NDUFS1: variants seen among roughly 807,000 people sequenced by gnomAD.
NDUFS1 encodes NADH-ubiquinone oxidoreductase 75 kDa subunit, mitochondrial.
NDUFS1 carries 61 observed loss-of-function variants against 84.4 expected under a neutral mutation model. The ratio of observed to expected loss-of-function variants is 0.72; its 90% CI spans 0.59 to 0.89. The LOEUF is 0.89. Among genes scored for constraint, NDUFS1 ranks in the 40% least tolerant of loss-of-function variants. The probability of loss-of-function intolerance (pLI) is 0.00; values close to 1 mark genes in which losing one functional copy is unlikely to be tolerated. For synonymous variants in NDUFS1, 275 were observed against 290.0 expected, an observed-to-expected ratio of 0.95 and a Z score of 0.53; for missense variants, 891 against 890.0, an observed-to-expected ratio of 1.00 and a Z score of -0.01.
chr2:206,149,463 C>A (rs1244757609), intron 4 of NDUFS1, among the ~76,000 whole-genome samples: 1 of 152,168 alleles, frequency 6.6e-6, no homozygotes, highest in Non-Finnish European at 1.5e-5. Context: ...AACTTCTTCC[C>A]TGCAACCCTT....
chr2:206,149,289 A>T (rs1449270917), intron 4 of NDUFS1, among the ~76,000 whole-genome samples, 193 bp from the exon 5 acceptor site: 1 of 152,194 alleles, frequency 6.6e-6, no homozygotes, highest in Non-Finnish European at 1.5e-5. Flanking sequence ...AGTACTTTGC[A>T]TTTATCTCAG....
intron 14 of NDUFS1, among the ~76,000 whole-genome samples, chr2:206,131,096 T>G (rs1306426537): frequency 1.3e-5 from 2 of 152,188 alleles, no homozygotes; most frequent in African/African-American, 4.8e-5. Flanking sequence ...GTTGTTTTGG[T>G]TTAGCTTGGT....
chr2:206,156,438 G>A (rs1057489220), intron 1 of NDUFS1, among the ~76,000 whole-genome samples: 2 of 151,782 alleles, frequency 1.3e-5, no homozygotes, highest in African/African-American at 4.8e-5. Context: ...AGCTGGGTGT[G>A]GTGGCATGCG....
Position 206,117,331 on chromosome 2 carries a change from T to A in NDUFS1, c.*6854A>T, listed in dbSNP as rs1471986113. ...CATTACTATAATTGATGCCTACATA[T>A]CTCTTTTAGTATACTGTTAGCTTCT... is the stretch of plus-strand genomic sequence containing the variant. On this transcript the variant is annotated 3_prime_UTR_variant, in exon 19 of 19. Coordinates refer to ENST00000233190, the MANE Select transcript of NDUFS1 (RefSeq NM_005006.7). The A allele has an allele frequency of 6.6e-6, 1 of 152,262 alleles. No homozygotes were observed. The highest frequency in any genetic ancestry group is 1.5e-5 in the Non-Finnish European group (1 of 68,052). 9.4% of individuals were successfully genotyped at this position (152,262 alleles called of 1,614,324 possible).
At chr2:206,156,695 C>A (rs1372448971) in intron 1 of NDUFS1, among the ~76,000 whole-genome samples, 1 of 152,068 alleles carries the variant, frequency 6.6e-6, no homozygotes, top group Non-Finnish European at 1.5e-5. Context: ...GTTTTAAGCA[C>A]AAAATTCTGC....
intron 4 of NDUFS1, 21 bp downstream of exon 4, chr2:206,149,797 A>C: frequency 6.4e-7 from 1 of 1,560,656 alleles, no homozygotes; most frequent in Non-Finnish European, 8.8e-7. Context: ...AGCATGGTGT[A>C]GAATTTTAGG....
intron 11 of NDUFS1, 108 bp downstream of exon 11, chr2:206,142,578 G>T: frequency 7.2e-7 from 1 of 1,389,922 alleles, no homozygotes; most frequent in Non-Finnish European, 1.0e-6. Context: ...GTCTATATAT[G>T]AAAATAAACT....
In NDUFS1 at chr2:206,148,994, T is replaced by A. The variant is rs762347087; in HGVS notation, c.338+26A>T. On this transcript the variant is annotated intron_variant, in intron 5 of 18. Transcript: ENST00000233190. ...TGCAATTTTCTGCTTTATGAAAGGGTACTACATTGAATAACAATAAAGTAC... is the reference window on the plus strand; with the variant it reads ...TGCAATTTTCTGCTTTATGAAAGGGAACTACATTGAATAACAATAAAGTAC... The A allele has an allele frequency of 2.0e-6, 3 of 1,517,384 alleles. No individual in the cohort carries two copies. The East Asian group carries it at 6.8e-5, about 34-fold the overall frequency. The allele number at this position is 1,517,384 out of a possible 1,614,324, so 94.0% of individuals were successfully genotyped here. A position where few individuals can be genotyped will look rare whatever the true frequency, so the allele number is the denominator to read the frequency against.
At chr2:206,130,535 A>T (rs1223451010) in intron 14 of NDUFS1, among the ~76,000 whole-genome samples, 6 of 151,992 alleles carry the variant, frequency 3.9e-5, no homozygotes, top group African/African-American at 1.5e-4. Context: ...TTGTATTTTC[A>T]GTAGAGATGG....
Position 206,120,245 on chromosome 2 carries a change from CAAACAGATTA to C in NDUFS1, c.*3930_*3939del, listed in dbSNP as rs1691059504. 6.6e-6 allele frequency: 1 copy of C among 152,166 alleles called. No homozygotes were observed. Among genetic ancestry groups the C allele is most frequent in the African/African-American group, 2.4e-5 (1 of 41,428 alleles). The allele number at this position is 152,166 out of a possible 1,614,324, so 9.4% of individuals were successfully genotyped here. ...TCTCAGATATTCCTTTACAGTAATG[CAAACAGATTA>C]AAACAGATTAGTACTGACAGTGGGG... On this transcript the variant is annotated 3_prime_UTR_variant, in exon 19 of 19. Coordinates refer to ENST00000233190, the MANE Select transcript of NDUFS1 (RefSeq NM_005006.7).
chr2:206,146,811 A>G, intron 8 of NDUFS1, 92 bp downstream of exon 8: 1 of 1,274,532 alleles, frequency 7.8e-7, no homozygotes, highest in Non-Finnish European at 1.1e-6. Flanking sequence ...GACCAAAACA[A>G]CTGAAACCCA....
At chr2:206,143,915 G>C (rs374575641) in intron 10 of NDUFS1, 103 bp downstream of exon 10, 2 of 930,144 alleles carry the variant, frequency 2.2e-6, no homozygotes, top group Non-Finnish European at 1.7e-6. Context: ...TCATAATCTT[G>C]GTAAAAGTAA....
chr2:206,148,918 C>T (rs1282771547), intron 5 of NDUFS1, 102 bp downstream of exon 5: 17 of 866,632 alleles, frequency 2.0e-5, no homozygotes, highest in South Asian at 1.5e-4. Flanking sequence ...CAACTTCTTC[C>T]GAGTTTGATA....
At chr2:206,148,183 C>T (rs953635815) in intron 5 of NDUFS1, among the ~76,000 whole-genome samples, 8 of 151,762 alleles carry the variant, frequency 5.3e-5, no homozygotes, top group Admixed American at 1.3e-4. Flanking sequence ...CCCTGGCGTC[C>T]CAAAGTGCTA....
At chr2:206,131,119 T>C (rs772326340) in intron 14 of NDUFS1, among the ~76,000 whole-genome samples, 6 of 152,182 alleles carry the variant, frequency 3.9e-5, no homozygotes, top group Non-Finnish European at 7.3e-5. Context: ...TTGTTAACTA[T>C]CTAGAAATAG....
chr2:206,132,810 C>G, intron 14 of NDUFS1, 135 bp downstream of exon 14: 1 of 749,004 alleles, frequency 1.3e-6, no homozygotes, highest in South Asian at 1.7e-5. Context: ...GAGTAAAGGT[C>G]TATATTTCAC....
chr2:206,144,746 G>C, intron 9 of NDUFS1, 146 bp downstream of exon 9: 1 of 785,160 alleles, frequency 1.3e-6, no homozygotes, highest in Non-Finnish European at 2.0e-6. Context: ...ATTAAAGTCA[G>C]TATTATCACA....
At position 206,115,700 on chromosome 2, in the gene NDUFS1, T is replaced by G. The variant is rs1690926230; in HGVS notation, c.*8485A>C. 2.5e-6 allele frequency: 1 copy of G among 404,186 alleles called. No individual in the cohort carries two copies. The highest frequency in any genetic ancestry group is 4.7e-6 in the Non-Finnish European group (1 of 210,542). The allele number at this position is 404,186 out of a possible 1,614,324, so 25.0% of individuals were successfully genotyped here. On this transcript the variant is annotated 3_prime_UTR_variant, in exon 19 of 19. Coordinates refer to ENST00000233190, the MANE Select transcript of NDUFS1 (RefSeq NM_005006.7). ...ACACTGTACAAGCAACAAAAACTTCTTCACTCCCAGTTATTTCCAATGGAA... is the reference window on the plus strand; with the variant it reads ...ACACTGTACAAGCAACAAAAACTTCGTCACTCCCAGTTATTTCCAATGGAA...
intron 14 of NDUFS1, among the ~76,000 whole-genome samples, chr2:206,131,964 A>AT (rs966483499): frequency 1.3e-5 from 2 of 151,536 alleles, no homozygotes; most frequent in Admixed American, 1.3e-4. Context: ...AATAATAATA[A>AT]AATAAAAAAA....
Sources: gnomAD v4.1 joint callset for allele counts (sites outside exome capture counted in the v4.1 genomes callset) on GRCh38, gnomAD v4.1.1 for gene constraint, MANE v1.5 for transcripts, NCBI Gene and HGNC (gene_info 2026-07-23, HGNC 2026-07-21) for gene names.